Variants in DROSHA observed in about 807,000 individuals in gnomAD.
DROSHA encodes drosha ribonuclease III.
In DROSHA, 56 loss-of-function variants were observed where a neutral mutation model predicts 181.9. That is an observed-to-expected ratio of 0.31 (90% CI 0.25 to 0.38). The LOEUF is 0.38. Ranked by LOEUF, DROSHA falls within the 10% of genes least tolerant of loss-of-function variation. DROSHA has a pLI of 1.00. For missense variants in DROSHA, 1,218 were observed against 1,743.5 expected, an observed-to-expected ratio of 0.70 and a Z score of 5.37; for synonymous variants, 524 against 591.2, an observed-to-expected ratio of 0.89 and a Z score of 1.65.
At chr5:31,491,888 A>T (rs1302719564) in intron 13 of DROSHA, among the ~76,000 whole-genome samples, 1 of 152,176 alleles carries the variant, frequency 6.6e-6, no homozygotes, top group South Asian at 2.1e-4. Context: ...TCTGCCTCCC[A>T]GGTTCAAATG....
chr5:31,405,534 C>T, intron 35 of DROSHA, 143 bp downstream of exon 35: 1 of 788,134 alleles, frequency 1.3e-6, no homozygotes, highest in Non-Finnish European at 2.1e-6. Flanking sequence ...TCACATTCTA[C>T]TATATTCTCT....
chr5:31,528,036 A>G (rs80214288), intron 4 of DROSHA, among the ~76,000 whole-genome samples: 6,934 of 151,774 alleles, frequency 0.046, 484 homozygotes, highest in African/African-American at 0.15. Context: ...GCTTCCTGAC[A>G]TGATGCCTTC....
intron 26 of DROSHA, among the ~76,000 whole-genome samples, 186 bp downstream of exon 26, chr5:31,431,384 AAAAAAG>A (rs1310626562): frequency 1.3e-5 from 2 of 150,908 alleles, no homozygotes; most frequent in African/African-American, 2.4e-5. Context: ...AAAAAAAAAA[AAAAAAG>A]AGGCATGTTC....
At chr5:31,510,881 A>G (rs1412670153) in intron 9 of DROSHA, among the ~76,000 whole-genome samples, 154 bp downstream of exon 9, 1 of 152,106 alleles carries the variant, frequency 6.6e-6, no homozygotes, top group Non-Finnish European at 1.5e-5. Context: ...AAAAGAAGGA[A>G]GTTCTACTGC....
chr5:31,446,168 C>T (rs1043410384), intron 23 of DROSHA, among the ~76,000 whole-genome samples: 64 of 152,208 alleles, frequency 4.2e-4, no homozygotes, highest in African/African-American at 1.3e-3. Flanking sequence ...AATTCCAGGC[C>T]GGGCGTGGTG....
chr5:31,490,009 G>A (rs956495554), intron 13 of DROSHA, among the ~76,000 whole-genome samples: 5 of 152,012 alleles, frequency 3.3e-5, no homozygotes, highest in African/African-American at 1.2e-4. Flanking sequence ...CCGAGTAGCT[G>A]GGATTACAGG....
chr5:31,436,443 AGTGTT>A (rs963047929), intron 24 of DROSHA, among the ~76,000 whole-genome samples: 2 of 150,066 alleles, frequency 1.3e-5, no homozygotes, highest in Non-Finnish European at 3.0e-5. Context: ...CCCAGGCTAA[AGTGTT>A]GTGGCATAAT....
chr5:31,416,770 C>T (rs111960759), intron 30 of DROSHA, among the ~76,000 whole-genome samples: 65 of 152,220 alleles, frequency 4.3e-4, no homozygotes, highest in African/African-American at 1.4e-3. Flanking sequence ...GCCTGTGGTA[C>T]GAGGCTGGGC....
intron 30 of DROSHA, among the ~76,000 whole-genome samples, chr5:31,419,859 A>G (rs920545218): frequency 1.6e-4 from 24 of 152,354 alleles, no homozygotes; most frequent in African/African-American, 5.0e-4. Context: ...AATGAACAGT[A>G]AGATACTATA....
chr5:31,453,145 T>C (rs1747229695), intron 20 of DROSHA, among the ~76,000 whole-genome samples: 1 of 152,112 alleles, frequency 6.6e-6, no homozygotes, highest in Non-Finnish European at 1.5e-5. Context: ...GAGAGATGAA[T>C]CGCTGCCTGT....
intron 29 of DROSHA, chr5:31,421,907 A>AT (rs1742749595): frequency 1.5e-5 from 1 of 64,786 alleles, no homozygotes; most frequent in African/African-American, 1.5e-4. Flanking sequence ...ATATATATAT[A>AT]AAAATTAGCC....
intron 11 of DROSHA, among the ~76,000 whole-genome samples, chr5:31,495,689 A>C (rs1752903534): frequency 6.6e-6 from 1 of 152,214 alleles, no homozygotes; most frequent in South Asian, 2.1e-4. Flanking sequence ...TGAGGGTACC[A>C]GAGGGACACC....
At position 31,409,322 on chromosome 5, in the gene DROSHA, T is replaced by G; in HGVS notation, c.3678A>C (p.Ala1226=). ...CCAAATCCTTATCAATGTACAGCGC[T>G]GCAATAAATGCTGGGGAAAAAAGAA... ...TLADLLESFI[A]ALYIDKDLEY... Residue 1226 remains alanine, a synonymous_variant, in exon 32 of 36, where the codon GCA becomes GCC. Transcript: ENST00000344624. This position sits in a 1 kb window ranked among gnomAD's most constrained non-coding sequence, Gnocchi z 4.0. The G allele has an allele frequency of 6.4e-7, 1 of 1,574,754 alleles. No homozygotes were observed. Among genetic ancestry groups the G allele is most frequent in the Non-Finnish European group, 8.6e-7 (1 of 1,159,066 alleles).
chr5:31,442,382 A>G (rs1745699601), intron 23 of DROSHA, among the ~76,000 whole-genome samples: 1 of 152,216 alleles, frequency 6.6e-6, no homozygotes, highest in Admixed American at 6.5e-5. Context: ...TCCTCACAGC[A>G]GTAGCAAATC....
chr5:31,472,564 A>G (rs2085559670), intron 16 of DROSHA, among the ~76,000 whole-genome samples: 2 of 152,234 alleles, frequency 1.3e-5, no homozygotes, highest in South Asian at 4.1e-4. Flanking sequence ...CATAGTTTAT[A>G]ATATACAGAA....
chr5:31,469,658 C>T (rs1268190873), intron 17 of DROSHA, among the ~76,000 whole-genome samples: 1 of 152,094 alleles, frequency 6.6e-6, no homozygotes, highest in Non-Finnish European at 1.5e-5. Flanking sequence ...TGATTTTAAA[C>T]ACCATGCCAT....
At chr5:31,421,197 A>T (rs977471139) in intron 30 of DROSHA, 75 bp downstream of exon 30, 1 of 1,105,958 alleles carries the variant, frequency 9.0e-7, no homozygotes, top group Non-Finnish European at 1.4e-6. Context: ...AATTACATAG[A>T]TATATATTTG....
chr5:31,454,515 T>C (rs2150017761), intron 20 of DROSHA, among the ~76,000 whole-genome samples: 1 of 152,256 alleles, frequency 6.6e-6, no homozygotes, highest in Non-Finnish European at 1.5e-5. Flanking sequence ...TTTCTAAAAG[T>C]ACAGGAAACT....
chr5:31,512,239 C>T (rs1011952137), intron 8 of DROSHA, among the ~76,000 whole-genome samples: 1 of 152,190 alleles, frequency 6.6e-6, no homozygotes, highest in Non-Finnish European at 1.5e-5. Flanking sequence ...GTGGCGATGC[C>T]GGTATAGCTT....
Sources: allele counts gnomAD v4.1 joint callset (sites outside exome capture counted in the v4.1 genomes callset), GRCh38; gene constraint gnomAD v4.1.1; non-coding constraint Gnocchi (gnomAD v3.1); transcripts MANE v1.5; gene names NCBI Gene and HGNC (gene_info 2026-07-23, HGNC 2026-07-21).